MYO6: variants seen among roughly 807,000 people sequenced by gnomAD.
MYO6 encodes myosin VI, also known as unconventional myosin-VI.
In MYO6, 74 loss-of-function variants were observed where a neutral mutation model predicts 178.7. The ratio of observed to expected loss-of-function variants is 0.41; its 90% CI spans 0.34 to 0.50. The LOEUF is 0.50. Ranked by LOEUF, MYO6 falls within the 20% of genes least tolerant of loss-of-function variation. The probability of loss-of-function intolerance (pLI) is 0.09; values close to 1 mark genes in which losing one functional copy is unlikely to be tolerated. For synonymous variants in MYO6, 477 were observed against 504.6 expected (o/e 0.95, Z 0.73); for missense variants, 1,330 against 1,547.4 (o/e 0.86, Z 2.36).
intron 10 of MYO6, among the ~76,000 whole-genome samples, chr6:75,847,586 A>G (rs1774853467): frequency 6.6e-6 from 1 of 152,052 alleles, no homozygotes; most frequent in Admixed American, 6.6e-5. Context: ...TTTAGGAGAG[A>G]AAACAAATTT....
intron 30 of MYO6, among the ~76,000 whole-genome samples, chr6:75,900,716 G>C (rs1398991693): frequency 2.0e-5 from 3 of 152,126 alleles, no homozygotes; most frequent in Non-Finnish European, 4.4e-5. Context: ...TTCTTTTGCT[G>C]TGCAGAAGCT....
At chr6:75,897,435 T>C (rs1779391212) in intron 29 of MYO6, among the ~76,000 whole-genome samples, 2 of 152,226 alleles carry the variant, frequency 1.3e-5, no homozygotes, top group Non-Finnish European at 2.9e-5. Flanking sequence ...TGTGCTTTCA[T>C]AGACCTCCAT....
At chr6:75,872,333 T>C (rs1777222910) in intron 19 of MYO6, among the ~76,000 whole-genome samples, 1 of 152,226 alleles carries the variant, frequency 6.6e-6, no homozygotes, top group South Asian at 2.1e-4. Flanking sequence ...ATCTGATAAT[T>C]GATTCCAAAT....
At chr6:75,892,432 G>A in intron 27 of MYO6, 98 bp from the exon 28 acceptor site, 1 of 1,485,130 alleles carries the variant, frequency 6.7e-7, no homozygotes, top group Admixed American at 1.7e-5. Context: ...GAACTTGTAT[G>A]GGGGCAGTTA....
chr6:75,882,714 G>T (rs1383426255), intron 23 of MYO6, among the ~76,000 whole-genome samples: 1 of 120,284 alleles, frequency 8.3e-6, no homozygotes, highest in African/African-American at 2.7e-5. Flanking sequence ...AATAAAATAG[G>T]CAATAACATA....
rs397517050 is a variant in MYO6 at position 75,895,265 on chromosome 6, G to A, written c.3137+5G>A. 10 of 1,604,270 alleles carry A rather than the reference G, an allele frequency of 6.2e-6. No individual in the cohort carries two copies. The Admixed American group carries it at 1.5e-4, about 24-fold the overall frequency. On this transcript the variant is annotated splice_donor_5th_base_variant and intron_variant, in intron 29 of 34. Coordinates refer to ENST00000369977, the MANE Select transcript of MYO6 (RefSeq NM_004999.4). ...AACAAGACCCAAAATGACACCGTAT[G>A]TCACTTACCTTTACCTTTTTAAAAA...
intron 33 of MYO6, 108 bp downstream of exon 33, chr6:75,911,806 T>A: frequency 9.5e-7 from 1 of 1,057,586 alleles, no homozygotes; most frequent in Admixed American, 1.8e-5. Context: ...TCAGTGGAAT[T>A]GTAGTGTGTT....
intron 30 of MYO6, among the ~76,000 whole-genome samples, chr6:75,905,380 G>A (rs538258204): frequency 2.8e-4 from 42 of 152,366 alleles, no homozygotes; most frequent in African/African-American, 4.8e-4. Context: ...CTCCGTGGGC[G>A]TAGGACCCTC....
chr6:75,817,357 G>T, intron 1 of MYO6, 144 bp from the exon 2 acceptor site: 1 of 606,592 alleles, frequency 1.6e-6, no homozygotes, highest in East Asian at 2.9e-5. Flanking sequence ...CAAGAGGCAA[G>T]GGAGGAGGTG....
rs1179943907 is a variant in MYO6 at position 75,817,521 on chromosome 6, C to G, written c.-27C>G. 1 of 1,565,216 alleles carries G rather than the reference C, an allele frequency of 6.4e-7. No homozygotes were observed. The highest frequency in any genetic ancestry group is 1.7e-5 in the Admixed American group (1 of 59,970). Reference sequence around the variant, plus strand: ...AACAGGTGACAGTGGATAGTGGAAACAGGAGATCGTGGATCCTCCTTCAAA... The same window carrying G: ...AACAGGTGACAGTGGATAGTGGAAAGAGGAGATCGTGGATCCTCCTTCAAA... On this transcript the variant is annotated 5_prime_UTR_variant, in exon 2 of 35. Transcript: ENST00000369977.
chr6:75,862,551 GT>G, intron 15 of MYO6, 44 bp from the exon 16 acceptor site: 1 of 1,538,084 alleles, frequency 6.5e-7, no homozygotes, highest in Non-Finnish European at 9.0e-7. Flanking sequence ...TCTTTAAAAT[GT>G]TATGTTTTTA....
At chr6:75,866,238 T>G (rs1487587370) in intron 16 of MYO6, among the ~76,000 whole-genome samples, 1 of 151,448 alleles carries the variant, frequency 6.6e-6, no homozygotes, top group Non-Finnish European at 1.5e-5. Flanking sequence ...ATTGTGTTTT[T>G]TTTTGGGTCT....
chr6:75,836,482 C>T (rs966841697), intron 7 of MYO6, among the ~76,000 whole-genome samples: 4 of 152,114 alleles, frequency 2.6e-5, no homozygotes, highest in African/African-American at 2.4e-5. Flanking sequence ...GCATGATGCC[C>T]TCCTGCATCA....
intron 12 of MYO6, 55 bp from the exon 13 acceptor site, chr6:75,857,042 A>G (rs139238847): frequency 2.2e-4 from 342 of 1,552,830 alleles, no homozygotes; most frequent in Non-Finnish European, 2.8e-4. Flanking sequence ...ACTCTGTGGC[A>G]TTTTCACAGT....
At chr6:75,839,758 T>C (rs1380510891) in intron 7 of MYO6, among the ~76,000 whole-genome samples, 2 of 152,136 alleles carry the variant, frequency 1.3e-5, no homozygotes, top group Non-Finnish European at 2.9e-5. Context: ...GAGCCTTAGG[T>C]AATTCTGTAA....
chr6:75,770,454 A>G (rs993123352), intron 1 of MYO6, among the ~76,000 whole-genome samples: 1 of 152,260 alleles, frequency 6.6e-6, no homozygotes, highest in African/African-American at 2.4e-5. Flanking sequence ...GTGGTATTCA[A>G]ACTTCTAAAC....
intron 1 of MYO6, among the ~76,000 whole-genome samples, chr6:75,767,192 A>C (rs1180987900): frequency 1.3e-5 from 2 of 152,026 alleles, no homozygotes; most frequent in African/African-American, 4.8e-5. Flanking sequence ...CGCCCAGCTA[A>C]TATTTTGTAT....
chr6:75,849,590 A>T (rs539306833), intron 11 of MYO6, among the ~76,000 whole-genome samples: 56 of 152,160 alleles, frequency 3.7e-4, no homozygotes, highest in Non-Finnish European at 7.9e-4. Context: ...AGTGATGGAG[A>T]CAGGGACCAA....
At chr6:75,784,751 T>C (rs1217097501) in intron 1 of MYO6, among the ~76,000 whole-genome samples, 1 of 119,268 alleles carries the variant, frequency 8.4e-6, no homozygotes, top group Non-Finnish European at 1.6e-5. Flanking sequence ...CACTCCAGCC[T>C]GGGCAACAGA....
Sources: gnomAD v4.1 joint callset for allele counts (sites outside exome capture counted in the v4.1 genomes callset) on GRCh38, gnomAD v4.1.1 for gene constraint, MANE v1.5 for transcripts, NCBI Gene and HGNC (gene_info 2026-07-23, HGNC 2026-07-21) for gene names.